Variants in ENKUR observed in about 807,000 individuals in gnomAD.
ENKUR encodes enkurin.
ENKUR carries 19 observed loss-of-function variants against 27.6 expected under a neutral mutation model. The ratio of observed to expected loss-of-function variants is 0.69; its 90% CI spans 0.48 to 1.01. The LOEUF (loss-of-function observed/expected upper bound fraction) is 1.01, where lower values mean the gene tolerates loss of function less well. Among genes scored for constraint, ENKUR ranks in the 50% least tolerant of loss-of-function variants. The probability of loss-of-function intolerance (pLI) is 0.00; values close to 1 mark genes in which losing one functional copy is unlikely to be tolerated. For synonymous variants in ENKUR, 117 were observed against 96.9 expected (o/e 1.21, Z -1.22); for missense variants, 312 against 310.5 (o/e 1.00, Z -0.04).
At chr10:25,029,119 T>C (rs1424323809) in intron 2 of ENKUR, among the ~76,000 whole-genome samples, 1 of 152,214 alleles carries the variant, frequency 6.6e-6, no homozygotes, top group East Asian at 1.9e-4. Flanking sequence ...ATCCAATAGA[T>C]ATACTGTTTT....
chr10:24,984,396 A>G lies in ENKUR; in HGVS notation c.765-20T>C. 6.3e-7 allele frequency: 1 copy of G among 1,598,346 alleles called. No homozygotes were observed. Among genetic ancestry groups the G allele is most frequent in the Non-Finnish European group, 8.5e-7 (1 of 1,176,188 alleles). On this transcript the variant is annotated intron_variant, in intron 5 of 5. Transcript: ENST00000331161. ...CATGCGCTGCAGAAAAAAAAAAAAA[A>G]AAGTGAAGTTCTGAGTGCTGACTTT...
At chr10:24,997,857 A>G (rs1177384293) in intron 2 of ENKUR, among the ~76,000 whole-genome samples, 1 of 150,310 alleles carries the variant, frequency 6.7e-6, no homozygotes, top group Non-Finnish European at 1.5e-5. Context: ...TTAACCCTAG[A>G]GAGGCTATAT....
chr10:25,032,322 G>GA (rs1003620358), intron 2 of ENKUR, among the ~76,000 whole-genome samples: 1 of 148,602 alleles, frequency 6.7e-6, no homozygotes, highest in African/African-American at 2.5e-5. Flanking sequence ...GAAGGGGGGG[G>GA]GGCTATGATC....
chr10:25,013,365 T>C (rs904524365), intron 1 of ENKUR, among the ~76,000 whole-genome samples: 3 of 152,210 alleles, frequency 2.0e-5, no homozygotes, highest in African/African-American at 7.2e-5. Context: ...ACTATCTCCA[T>C]AGATTAATGA....
At chr10:24,999,632 TA>T in intron 1 of ENKUR, 86 bp from the exon 2 acceptor site, 1 of 1,210,032 alleles carries the variant, frequency 8.3e-7, no homozygotes, top group East Asian at 2.6e-5. Flanking sequence ...CTTACATTTT[TA>T]ATTTATTTAA....
Position 25,024,805 on chromosome 10 carries a change from C to T in ENKUR, c.38-28936G>A, listed in dbSNP as rs139395919. Reference sequence around the variant, plus strand: ...TGCCAAAATGATGGGAATCCCGATTCGAAAATTTATCTGTGCCTCTAATCA... The same window carrying T: ...TGCCAAAATGATGGGAATCCCGATTTGAAAATTTATCTGTGCCTCTAATCA... On this transcript the variant is annotated intron_variant, in intron 2 of 5. Transcript: ENST00000615958. 50 of 1,614,074 alleles carry T rather than the reference C, an allele frequency of 3.1e-5. No homozygotes were observed. In the African/African-American group the frequency reaches 4.8e-4, roughly 15 times the overall value.
intron 2 of ENKUR, among the ~76,000 whole-genome samples, chr10:25,055,731 G>A (rs1244561133): frequency 6.6e-6 from 1 of 152,172 alleles, no homozygotes; most frequent in Non-Finnish European, 1.5e-5. Context: ...AGGACATGGT[G>A]AAGCTCCGTT....
chr10:25,016,217 T>G (rs1398927376), upstream of ENKUR: 6 of 1,124,710 alleles, frequency 5.3e-6, no homozygotes, highest in Non-Finnish European at 6.5e-6. Flanking sequence ...CACCGCAAAC[T>G]AGGTCTCCCC....
intron 2 of ENKUR, among the ~76,000 whole-genome samples, chr10:25,047,664 G>A (rs1851135566): frequency 6.6e-6 from 1 of 152,166 alleles, no homozygotes; most frequent in Non-Finnish European, 1.5e-5. Flanking sequence ...GTTATAAAAA[G>A]CAAGCCAGAT....
chr10:25,020,583 A>G (rs558971624), upstream of ENKUR, among the ~76,000 whole-genome samples: 89 of 152,142 alleles, frequency 5.8e-4, no homozygotes, highest in African/African-American at 2.1e-3. Flanking sequence ...TCTGGGCAAC[A>G]TGGTGAAACC....
chr10:25,036,366 C>T (rs1453531972), intron 2 of ENKUR, among the ~76,000 whole-genome samples: 2 of 152,182 alleles, frequency 1.3e-5, no homozygotes, highest in Non-Finnish European at 2.9e-5. Flanking sequence ...TATGAGGCTT[C>T]CCAAGCCACG....
chr10:25,023,218 A>G, intron 2 of ENKUR: 1 of 1,599,270 alleles, frequency 6.3e-7, no homozygotes, highest in East Asian at 2.2e-5. Flanking sequence ...GAAAAGTGAA[A>G]AGAGAATGCT....
upstream of ENKUR, among the ~76,000 whole-genome samples, chr10:25,018,659 G>GTTTTTTTTTTTTTTTTTTTTTTTT (rs374289213): frequency 7.5e-5 from 7 of 93,716 alleles, 1 homozygote; most frequent in Non-Finnish European, 6.6e-5. Flanking sequence ...AATGAGAGTT[G>GTTTTTTTTTTTTTTTTTTTTTTTT]TTTTTTTTTT....
At chr10:25,019,974 C>T (rs1464286068), upstream of ENKUR, among the ~76,000 whole-genome samples, 1 of 152,008 alleles carries the variant, frequency 6.6e-6, no homozygotes, top group African/African-American at 2.4e-5. Context: ...GTGGCCATTG[C>T]AGCAGACGTT....
intron 2 of ENKUR, among the ~76,000 whole-genome samples, chr10:25,053,322 T>C (rs946607614): frequency 1.3e-5 from 2 of 152,196 alleles, no homozygotes; most frequent in African/African-American, 4.8e-5. Flanking sequence ...TTTACTCTCT[T>C]AGCAAATGAA....
rs1849704053 is a variant in ENKUR, at chr10:24,983,087, AAC to A, written c.*1281_*1282del. ...TTGGCAGAGAAAGACTGCCTGGATCAACAGAGTCACCAGACAAAAGGAGACTG... is the reference window on the plus strand; with the variant it reads ...TTGGCAGAGAAAGACTGCCTGGATCAAGAGTCACCAGACAAAAGGAGACTG... On this transcript the variant is annotated 3_prime_UTR_variant, in exon 6 of 6. Coordinates refer to ENST00000331161, the MANE Select transcript of ENKUR (RefSeq NM_145010.4). 1 of 152,234 alleles carries A rather than the reference AAC, an allele frequency of 6.6e-6. No individual in the cohort carries two copies. The highest frequency in any genetic ancestry group is 1.5e-5 in the Non-Finnish European group (1 of 68,048). The allele number at this position is 152,234 out of a possible 1,614,324, so 9.4% of individuals were successfully genotyped here.
intron 2 of ENKUR, chr10:25,023,565 G>A: frequency 6.2e-7 from 1 of 1,614,110 alleles, no homozygotes; most frequent in Non-Finnish European, 8.5e-7. Flanking sequence ...TTTTAGAAGA[G>A]GAAGGAAAAG....
chr10:24,992,131 T>C (rs1849942465), intron 3 of ENKUR, among the ~76,000 whole-genome samples: 1 of 152,254 alleles, frequency 6.6e-6, no homozygotes, highest in African/African-American at 2.4e-5. Flanking sequence ...AATTACTATG[T>C]ATTCCTTCTT....
At chr10:25,050,581 C>A (rs1156228647) in intron 2 of ENKUR, among the ~76,000 whole-genome samples, 1 of 152,102 alleles carries the variant, frequency 6.6e-6, no homozygotes, top group African/African-American at 2.4e-5. Flanking sequence ...GTCCCTTCTA[C>A]GACTCGTGGG....
Sources: allele counts gnomAD v4.1 joint callset (sites outside exome capture counted in the v4.1 genomes callset), GRCh38; gene constraint gnomAD v4.1.1; transcripts MANE v1.5; gene names NCBI Gene and HGNC (gene_info 2026-07-23, HGNC 2026-07-21).